Variants in AP3B2 observed in about 807,000 individuals in gnomAD.
AP3B2 encodes adaptor related protein complex 3 subunit beta 2.
A neutral mutation model predicts 126.9 loss-of-function variants in AP3B2; 50 were observed. The ratio of observed to expected loss-of-function variants is 0.39; its 90% CI spans 0.31 to 0.50. AP3B2 has a LOEUF of 0.50. AP3B2 is among the 20% of genes least tolerant of loss of function. The pLI is 0.79. For synonymous variants in AP3B2, 541 were observed against 565.0 expected, an observed-to-expected ratio of 0.96 and a Z score of 0.60; for missense variants, 1,177 against 1,426.4, an observed-to-expected ratio of 0.83 and a Z score of 2.82.
chr15:82,686,618 T>C (rs1413527088), intron 4 of AP3B2: 1 of 152,196 alleles, frequency 6.6e-6, no homozygotes, highest in Admixed American at 6.5e-5. Flanking sequence ...TGTGAACCTG[T>C]AGTAAATTTT....
chr15:82,666,590 C>T (rs1160084837), intron 15 of AP3B2, among the ~76,000 whole-genome samples, 157 bp downstream of exon 15: 1 of 152,122 alleles, frequency 6.6e-6, no homozygotes, highest in African/African-American at 2.4e-5. Context: ...AGAGTAATTC[C>T]TGGTGCCACA....
At chr15:82,703,078 G>A (rs1026992714) in intron 1 of AP3B2, among the ~76,000 whole-genome samples, 4 of 151,996 alleles carry the variant, frequency 2.6e-5, no homozygotes, top group African/African-American at 4.8e-5. Context: ...TTTTATCTGT[G>A]AACCCAAAAC....
chr15:82,681,715 G>T lies in AP3B2; in HGVS notation c.361-135C>A. 2.0e-6 allele frequency: 2 copies of T among 976,430 alleles called. No homozygotes were observed. The highest frequency in any genetic ancestry group is 3.0e-6 in the Non-Finnish European group (2 of 674,660). 60.5% of individuals were successfully genotyped at this position (976,430 alleles called of 1,614,324 possible). On this transcript the variant is annotated intron_variant, in intron 4 of 26. Coordinates refer to ENST00000535359, the MANE Select transcript of AP3B2 (RefSeq NM_001278512.2). This position sits in a 1 kb window ranked among gnomAD's most constrained non-coding sequence, Gnocchi z 4.0. ...CTGCCGCTTGACTGGAGCCTGGATG[G>T]TGTGCCAGTGATGGGTATCTGGGGG...
In AP3B2 at chr15:82,665,831, G is replaced by A. The variant is rs1310311443; in HGVS notation, c.1853-256C>T. On this transcript the variant is annotated intron_variant, in intron 15 of 26. Coordinates refer to ENST00000535359, the MANE Select transcript of AP3B2 (RefSeq NM_001278512.2). The surrounding 1 kb of genome is among the most constrained non-coding windows in gnomAD (Gnocchi z 4.4). ...GGCAGCCTACAGAGGTGGGCAGGAG[G>A]AGACTCTGGGCCCACAGATGCTGCC... is the stretch of plus-strand genomic sequence containing the variant. 1.3e-5 allele frequency among the ~76,000 whole-genome samples: 2 copies of A among 152,220 alleles called. No homozygotes were observed. Among genetic ancestry groups the A allele is most frequent in the African/African-American group, 4.8e-5 (2 of 41,458 alleles).
rs751717846 is a variant in AP3B2, at chr15:82,664,993, G to A, written c.2029-50C>T. ...GTCATTTCATCATGGTTGGGGAGAA[G>A]GCAGGCAGGCACAAGCCCTTACCCT... is the stretch of plus-strand genomic sequence containing the variant. On this transcript the variant is annotated intron_variant, in intron 17 of 26. Coordinates refer to ENST00000535359, the MANE Select transcript of AP3B2 (RefSeq NM_001278512.2). This position sits in a 1 kb window ranked among gnomAD's most constrained non-coding sequence, Gnocchi z 4.5. 5.0e-6 allele frequency: 7 copies of A among 1,396,310 alleles called. No individual in the cohort carries two copies. The highest frequency in any genetic ancestry group is 7.0e-6 in the Non-Finnish European group (7 of 1,001,198). The allele number at this position is 1,396,310 out of a possible 1,614,324, so 86.5% of individuals were successfully genotyped here.
intron 14 of AP3B2, among the ~76,000 whole-genome samples, chr15:82,669,310 C>T (rs1382175856): frequency 6.6e-6 from 1 of 152,142 alleles, no homozygotes; most frequent in Non-Finnish European, 1.5e-5. Context: ...ATGATATGAT[C>T]TTATATTTAA....
At position 82,664,911 on chromosome 15, in the gene AP3B2, C is replaced by G. The variant is rs748114419; in HGVS notation, c.2061G>C (p.Glu687Asp). ...AGGGTTTTTCCTTCTCCTTTCTCTT[C>G]TCCCGATTTGAGCACTTGGTCCATT... Reference protein sequence around the residue: ...VPEWTKCSNREKRKEKEKPFY... With the variant: ...VPEWTKCSNRDKRKEKEKPFY... The change falls in exon 18 of 27, where the codon GAG (glutamate) becomes GAC (aspartate). Residue 687 changes from glutamate (E) to aspartate (D), a missense_variant. Glu to Asp is a conservative substitution (Grantham distance 45, BLOSUM62 2). Transcript: ENST00000535359. The surrounding 1 kb of genome is among the most constrained non-coding windows in gnomAD (Gnocchi z 4.5). 1.1e-5 allele frequency: 17 copies of G among 1,608,984 alleles called. No individual in the cohort carries two copies. Among genetic ancestry groups the G allele is most frequent in the Non-Finnish European group, 1.2e-5 (14 of 1,177,760 alleles).
rs2048855983 is a variant in AP3B2 at position 82,709,821 on chromosome 15, A to G, written c.-115T>C. The G allele has an allele frequency of 3.8e-6, 3 of 795,276 alleles. No homozygotes were observed. Among genetic ancestry groups the G allele is most frequent in the South Asian group, 2.2e-5 (1 of 45,642 alleles). 49.3% of individuals were successfully genotyped at this position (795,276 alleles called of 1,614,324 possible). On this transcript the variant is annotated 5_prime_UTR_variant, in exon 1 of 27. Transcript: ENST00000535359. Reference sequence around the variant, plus strand: ...GGGCTGGCGAAGGCGGCGGCGCGGCAGGGGTTCAGCAGAGGCTGCAGTGTG... The same window carrying G: ...GGGCTGGCGAAGGCGGCGGCGCGGCGGGGGTTCAGCAGAGGCTGCAGTGTG...
intron 4 of AP3B2, among the ~76,000 whole-genome samples, chr15:82,684,699 T>C (rs1365895443): frequency 2.0e-5 from 3 of 152,178 alleles, no homozygotes; most frequent in African/African-American, 4.8e-5. Context: ...AAATTTTTTA[T>C]AGAGACGGTC....
intron 4 of AP3B2, among the ~76,000 whole-genome samples, chr15:82,683,281 TCTC>T (rs2048375828): frequency 6.6e-6 from 1 of 151,918 alleles, no homozygotes; most frequent in Admixed American, 6.6e-5. Flanking sequence ...ATGGTCTCGA[TCTC>T]CTGACCTCGT....
rs914134365 is a variant in AP3B2 at position 82,665,860 on chromosome 15, C to G, written c.1853-285G>C. 6.6e-6 allele frequency among the ~76,000 whole-genome samples: 1 copy of G among 152,206 alleles called. No homozygotes were observed. ...CTCTGGGCCCACAGATGCTGCCGAC[C>G]TGTCTGCTCAGCATGCACGTCTAGT... On this transcript the variant is annotated intron_variant, in intron 15 of 26. Coordinates refer to ENST00000535359, the MANE Select transcript of AP3B2 (RefSeq NM_001278512.2). The surrounding 1 kb of genome is among the most constrained non-coding windows in gnomAD (Gnocchi z 4.4).
chr15:82,691,382 A>T (rs987662676), intron 1 of AP3B2, among the ~76,000 whole-genome samples: 5 of 152,166 alleles, frequency 3.3e-5, no homozygotes, highest in Non-Finnish European at 5.9e-5. Flanking sequence ...TTTTTCTTAA[A>T]CGTTTAAAAC....
chr15:82,708,381 C>T (rs2048829435), intron 1 of AP3B2, among the ~76,000 whole-genome samples: 1 of 152,164 alleles, frequency 6.6e-6, no homozygotes, highest in African/African-American at 2.4e-5. Flanking sequence ...TTGGTGGTCT[C>T]TTCACATGGA....
chr15:82,674,346 A>G (rs888432545), intron 14 of AP3B2, among the ~76,000 whole-genome samples: 2 of 152,172 alleles, frequency 1.3e-5, no homozygotes, highest in African/African-American at 2.4e-5. Context: ...AAGAAAGGAG[A>G]AAGAAAGGGA....
chr15:82,691,811 G>C, intron 1 of AP3B2: 1 of 1,441,534 alleles, frequency 6.9e-7, no homozygotes, highest in Non-Finnish European at 9.7e-7. Context: ...CCGAGACTGT[G>C]AGTAGCCATA....
chr15:82,686,791 G>A (rs1321671110), intron 4 of AP3B2: 5 of 151,020 alleles, frequency 3.3e-5, no homozygotes, highest in African/African-American at 9.7e-5. Context: ...GCACGTTCTC[G>A]GCTCATTGCA....
rs759283380 is a variant in AP3B2 at position 82,662,901 on chromosome 15, C to T, written c.2626G>A (p.Val876Ile). 26 of 1,613,072 alleles carry T rather than the reference C, an allele frequency of 1.6e-5. No individual in the cohort carries two copies. Among genetic ancestry groups the T allele is most frequent in the Non-Finnish European group, 2.2e-5 (26 of 1,179,742 alleles). ...VPSLLSPVSG[V>I]GRQELLHRVA... ...CGGTGCAGCAGCTCCTGCCGCCCAA[C>T]ACCCGATACTGGACTCAGAAGCTAG... is the stretch of plus-strand genomic sequence containing the variant. The change falls in exon 23 of 27, where the codon GTT (valine) becomes ATT (isoleucine). Residue 876 changes from valine (V) to isoleucine (I), a missense_variant. Physicochemically the swap from Val to Ile is conservative, Grantham distance 29. Around this residue, in one of 5 missense-constraint regions of AP3B2, gnomAD observed 587 missense variants for 571.3 expected, o/e 1.03. Coordinates refer to ENST00000535359, the MANE Select transcript of AP3B2 (RefSeq NM_001278512.2).
intron 10 of AP3B2, 45 bp from the exon 11 acceptor site, chr15:82,678,212 T>A (rs773483997): frequency 6.4e-7 from 1 of 1,571,162 alleles, no homozygotes; most frequent in Non-Finnish European, 8.8e-7. Context: ...GGTTGGCCAG[T>A]GGACTTTCTG....
rs370487723 is a variant in AP3B2, at chr15:82,680,814, C to G, written c.771+23G>C. On this transcript the variant is annotated intron_variant, in intron 7 of 26. Coordinates refer to ENST00000535359, the MANE Select transcript of AP3B2 (RefSeq NM_001278512.2). This position sits in a 1 kb window ranked among gnomAD's most constrained non-coding sequence, Gnocchi z 6.1. ...TCCCCGGGACACACTTCGGCCCGCT[C>G]TGCCTGGGCTGGGCCCACTTACGTT... 70 of 1,612,400 alleles carry G rather than the reference C, an allele frequency of 4.3e-5. No individual in the cohort carries two copies. The African/African-American group carries it at 7.1e-4, about 16-fold the overall frequency.
Sources: allele counts gnomAD v4.1 joint callset (sites outside exome capture counted in the v4.1 genomes callset), GRCh38; gene constraint gnomAD v4.1.1; regional missense constraint gnomAD v4.1.1; non-coding constraint Gnocchi (gnomAD v3.1); transcripts MANE v1.5; gene names NCBI Gene and HGNC (gene_info 2026-07-23, HGNC 2026-07-21).